FER: variants seen among roughly 807,000 people sequenced by gnomAD.
The protein encoded by FER is FER tyrosine kinase, also known as tyrosine-protein kinase Fer.
In FER, 63 loss-of-function variants were observed where a neutral mutation model predicts 111.0. The observed-to-expected ratio is 0.57, with a 90% CI of 0.46 to 0.70. The LOEUF is 0.70. Ranked by LOEUF, FER falls within the 30% of genes least tolerant of loss-of-function variation. FER has a pLI of 0.00. For synonymous variants in FER, 327 were observed against 313.9 expected (o/e 1.04, Z -0.44); for missense variants, 914 against 954.0 (o/e 0.96, Z 0.55).
At chr5:108,776,853 A>G (rs1404145001) in intron 2 of FER, among the ~76,000 whole-genome samples, 3 of 152,226 alleles carry the variant, frequency 2.0e-5, no homozygotes, top group African/African-American at 7.2e-5. Flanking sequence ...AATGGTCAAT[A>G]CTTTGTAGGA....
intron 10 of FER, among the ~76,000 whole-genome samples, chr5:108,913,398 A>G (rs1157509202): frequency 5.3e-5 from 8 of 152,232 alleles, no homozygotes; most frequent in South Asian, 4.1e-4. Context: ...TTAGTCTAGT[A>G]TCTGTGTGAT....
At chr5:109,096,989 A>ATATATAAT (rs1264569051) in intron 16 of FER, among the ~76,000 whole-genome samples, 1 of 148,198 alleles carries the variant, frequency 6.7e-6, no homozygotes, top group Non-Finnish European at 1.5e-5. Context: ...ATAAATATAA[A>ATATATAAT]TATATAATTA....
At chr5:109,183,588 C>A (rs1463476418) in intron 18 of FER, among the ~76,000 whole-genome samples, 1 of 152,136 alleles carries the variant, frequency 6.6e-6, no homozygotes, top group African/African-American at 2.4e-5. Context: ...TATACTCTTT[C>A]TTCACTCTTG....
rs369023169 is a variant in FER, at chr5:109,058,235, T to C, written c.1924+11037T>C. 5.3e-5 allele frequency among the ~76,000 whole-genome samples: 8 copies of C among 152,244 alleles called. No homozygotes were observed. In the East Asian group the frequency reaches 9.6e-4, roughly 18 times the overall value. ...ATAAAGGGCTTCTAAGAGAAACCCATAGCTAACATTATATTTAATGAATGA... is the reference window on the plus strand; with the variant it reads ...ATAAAGGGCTTCTAAGAGAAACCCACAGCTAACATTATATTTAATGAATGA... On this transcript the variant is annotated intron_variant, in intron 16 of 19. Transcript: ENST00000281092.
chr5:108,997,992 G>A (rs1764219007), intron 13 of FER, among the ~76,000 whole-genome samples: 1 of 151,914 alleles, frequency 6.6e-6, no homozygotes, highest in South Asian at 2.1e-4. Flanking sequence ...CCCATACCAA[G>A]CTCCAGCATC....
intron 3 of FER, among the ~76,000 whole-genome samples, chr5:108,803,464 G>C (rs940111516): frequency 1.3e-5 from 2 of 152,032 alleles, no homozygotes; most frequent in African/African-American, 4.8e-5. Context: ...TATAGTTTGA[G>C]GTCTTACATT....
chr5:108,995,746 T>C (rs1763903839), intron 13 of FER, among the ~76,000 whole-genome samples: 1 of 152,242 alleles, frequency 6.6e-6, no homozygotes, highest in Non-Finnish European at 1.5e-5. Flanking sequence ...TGTGTCTTTA[T>C]AGTAGAATGA....
chr5:108,987,370 T>C (rs1561723751), intron 13 of FER, among the ~76,000 whole-genome samples: 1 of 151,996 alleles, frequency 6.6e-6, no homozygotes, highest in Non-Finnish European at 1.5e-5. Flanking sequence ...CGCTTGAACC[T>C]GGGAGGTGGA....
chr5:109,074,785 G>A (rs1469939014), intron 16 of FER, among the ~76,000 whole-genome samples: 2 of 152,232 alleles, frequency 1.3e-5, no homozygotes, highest in Non-Finnish European at 1.5e-5. Flanking sequence ...ATATACCTTG[G>A]CATGAATCAT....
intron 3 of FER, among the ~76,000 whole-genome samples, chr5:108,805,705 C>T (rs1387222063): frequency 1.3e-5 from 2 of 152,050 alleles, no homozygotes; most frequent in African/African-American, 2.4e-5. Flanking sequence ...GAATTTTGCC[C>T]CTGCCCTAGA....
intron 17 of FER, among the ~76,000 whole-genome samples, chr5:109,106,749 A>G (rs1748982420): frequency 6.6e-6 from 1 of 152,138 alleles, no homozygotes; most frequent in Non-Finnish European, 1.5e-5. Flanking sequence ...TCCCACCACT[A>G]GTTTCACTCA....
At position 109,073,194 on chromosome 5, in the gene FER, C is replaced by T. The variant is rs561117414; in HGVS notation, c.1924+25996C>T. 3.9e-5 allele frequency among the ~76,000 whole-genome samples: 6 copies of T among 152,174 alleles called. No individual in the cohort carries two copies. The South Asian group carries it at 8.3e-4, about 21-fold the overall frequency. ...CTGTTAGTTGTTTTAATTAATAGAT[C>T]TGTGTGTTTTATTGGGTTATGTTAT... On this transcript the variant is annotated intron_variant, in intron 16 of 19. Transcript: ENST00000281092.
At chr5:108,819,848 C>A in intron 3 of FER, 1 of 984,972 alleles carries the variant, frequency 1.0e-6, no homozygotes, top group East Asian at 1.1e-4. Context: ...TAATTTTTTT[C>A]CCCCAGAAGT....
At chr5:108,959,820 T>A (rs7734110) in intron 13 of FER, among the ~76,000 whole-genome samples, 21,518 of 152,050 alleles carry the variant, frequency 0.14, 1,972 homozygotes, top group African/African-American at 0.26. Context: ...GAAACTTATC[T>A]ATGTGGAGCA....
rs77866064 is a variant in FER, at chr5:108,849,454, T to TTTG, written c.481+13671_481+13673dup. Among the ~76,000 whole-genome samples the TTTG allele has an allele frequency of 3.5e-3, 517 of 146,650 alleles. 3 individuals carry two copies. The highest frequency in any genetic ancestry group is 0.018 in the East Asian group (94 of 5,156). ...GCCTTTAATCCCATCTGGTGGTGGT[T>TTTG]TTGTTGTTGTTGTTGTTGTTGTTGT... On this transcript the variant is annotated intron_variant, in intron 5 of 19. Transcript: ENST00000281092.
chr5:109,140,613 A>G (rs1446672862), intron 17 of FER, among the ~76,000 whole-genome samples: 3 of 152,198 alleles, frequency 2.0e-5, no homozygotes, highest in African/African-American at 7.2e-5. Context: ...TGTTAAAATG[A>G]TTTCAGTGTT....
chr5:108,937,396 G>T (rs149221211), intron 10 of FER, among the ~76,000 whole-genome samples: 2 of 151,954 alleles, frequency 1.3e-5, no homozygotes, highest in South Asian at 4.1e-4. Flanking sequence ...AAGTCACACG[G>T]ATGTTTCAAC....
intron 17 of FER, among the ~76,000 whole-genome samples, chr5:109,165,963 G>C (rs1287736724): frequency 6.6e-6 from 1 of 152,046 alleles, no homozygotes; most frequent in Non-Finnish European, 1.5e-5. Flanking sequence ...CCACAAGGCA[G>C]GGGAAAGGGG....
At chr5:109,131,868 C>T (rs889279909) in intron 17 of FER, among the ~76,000 whole-genome samples, 1 of 152,128 alleles carries the variant, frequency 6.6e-6, no homozygotes, top group African/African-American at 2.4e-5. Context: ...CATGCATACT[C>T]CTTGTTACAG....
Sources: gnomAD v4.1 joint callset for allele counts (sites outside exome capture counted in the v4.1 genomes callset) on GRCh38, gnomAD v4.1.1 for gene constraint, MANE v1.5 for transcripts, NCBI Gene and HGNC (gene_info 2026-07-23, HGNC 2026-07-21) for gene names.